The following TRDN variants were observed in gnomAD, a reference collection of about 807,000 sequenced individuals.
TRDN encodes triadin, also known as triadin in skeletal muscle.
In TRDN, 161 loss-of-function variants were observed where a neutral mutation model predicts 149.7. The ratio of observed to expected loss-of-function variants is 1.08; its 90% CI spans 0.95 to 1.23. TRDN has a LOEUF of 1.23. Ranked by LOEUF, TRDN falls within the 50% of genes most tolerant of loss-of-function variation. The pLI, the probability that TRDN is intolerant of heterozygous loss-of-function variation, is 0.00. For missense variants in TRDN, 896 were observed against 823.5 expected, an observed-to-expected ratio of 1.09 and a Z score of -1.08; for synonymous variants, 294 against 250.5, an observed-to-expected ratio of 1.17 and a Z score of -1.64.
At chr6:123,591,086 A>G (rs1164982151) in intron 1 of TRDN, among the ~76,000 whole-genome samples, 1 of 152,222 alleles carries the variant, frequency 6.6e-6, no homozygotes, top group African/African-American at 2.4e-5. Context: ...TAGTGACTCC[A>G]GAATTAATGC....
chr6:123,225,171 A>G (rs1582740650), intron 38 of TRDN, among the ~76,000 whole-genome samples: 1 of 151,912 alleles, frequency 6.6e-6, no homozygotes, highest in Non-Finnish European at 1.5e-5. Context: ...ATGAAATAAA[A>G]CCACAATGAG....
chr6:123,297,289 T>C (rs1223522922), intron 24 of TRDN, among the ~76,000 whole-genome samples: 1 of 152,088 alleles, frequency 6.6e-6, no homozygotes, highest in East Asian at 1.9e-4. Context: ...TTGCCTCAAA[T>C]GAGTAGTGAG....
At chr6:123,445,064 T>G (rs1442101140) in intron 10 of TRDN, 1 of 151,944 alleles carries the variant, frequency 6.6e-6, no homozygotes, top group Non-Finnish European at 1.5e-5. Flanking sequence ...TCCCTCTTTT[T>G]CTATTGATTG....
intron 23 of TRDN, among the ~76,000 whole-genome samples, chr6:123,328,486 T>A (rs1278133451): frequency 2.0e-5 from 3 of 152,212 alleles, no homozygotes; most frequent in African/African-American, 7.2e-5. Flanking sequence ...TTGCCGTTTT[T>A]GTTTCTTTTT....
intron 2 of TRDN, among the ~76,000 whole-genome samples, chr6:123,560,124 C>T (rs6903750): frequency 0.051 from 7,695 of 152,236 alleles, 352 homozygotes; most frequent in African/African-American, 0.13. Flanking sequence ...CTGCGTGCGG[C>T]GGCTGCCGCT....
At chr6:123,442,638 A>G (rs2114611695) in intron 10 of TRDN, among the ~76,000 whole-genome samples, 1 of 152,200 alleles carries the variant, frequency 6.6e-6, no homozygotes, top group East Asian at 1.9e-4. Context: ...AACAGAGTAG[A>G]TGTAGAAAAA....
intron 4 of TRDN, among the ~76,000 whole-genome samples, chr6:123,546,946 T>C (rs1213690392): frequency 1.3e-5 from 2 of 151,820 alleles, no homozygotes; most frequent in Non-Finnish European, 2.9e-5. Flanking sequence ...AAAATAATGA[T>C]GGCAAAAAAA....
chr6:123,570,918 C>G lies in TRDN; in HGVS notation c.232+5G>C, dbSNP rs374653100. 4 of 1,612,614 alleles carry G rather than the reference C, an allele frequency of 2.5e-6. No homozygotes were observed. Among genetic ancestry groups the G allele is most frequent in the African/African-American group, 1.3e-5 (1 of 74,878 alleles). ...AATTTTAAAGCCAAATTTTATGGAA[C>G]TTACCTGAAAAGTTTTTGTAATCCA... On this transcript the variant is annotated splice_donor_5th_base_variant and intron_variant, in intron 2 of 40. Transcript: ENST00000334268.
chr6:123,562,310 C>G (rs1439767578), intron 2 of TRDN, among the ~76,000 whole-genome samples: 2 of 152,222 alleles, frequency 1.3e-5, no homozygotes, highest in Admixed American at 1.3e-4. Flanking sequence ...GTTGCTCACA[C>G]AAAGCATGTT....
intron 23 of TRDN, among the ~76,000 whole-genome samples, chr6:123,331,113 G>C (rs1779644629): frequency 6.6e-6 from 1 of 152,010 alleles, no homozygotes. Context: ...TTGACACCAG[G>C]AAATATTAGA....
intron 19 of TRDN, among the ~76,000 whole-genome samples, chr6:123,370,810 C>T (rs946587093): frequency 6.6e-6 from 1 of 150,622 alleles, no homozygotes; most frequent in Non-Finnish European, 1.5e-5. Flanking sequence ...GGTTGAACAT[C>T]TTTTGATACG....
At chr6:123,252,786 G>A (rs1776419249) in intron 37 of TRDN, among the ~76,000 whole-genome samples, 1 of 151,892 alleles carries the variant, frequency 6.6e-6, no homozygotes, top group African/African-American at 2.4e-5. Flanking sequence ...ATGCCTGGCT[G>A]ATTCTTTGAA....
chr6:123,278,773 A>C (rs2114626976), intron 25 of TRDN, among the ~76,000 whole-genome samples: 1 of 152,328 alleles, frequency 6.6e-6, no homozygotes, highest in Non-Finnish European at 1.5e-5. Flanking sequence ...TGTCTCAAAA[A>C]AATTTTTTTT....
At chr6:123,312,441 T>C (rs545549747) in intron 24 of TRDN, among the ~76,000 whole-genome samples, 1 of 152,068 alleles carries the variant, frequency 6.6e-6, no homozygotes, top group African/African-American at 2.4e-5. Context: ...TATCTTATGA[T>C]ATTTTAAATA....
intron 12 of TRDN, among the ~76,000 whole-genome samples, chr6:123,425,754 C>G (rs529372513): frequency 6.6e-6 from 1 of 151,796 alleles, no homozygotes; most frequent in East Asian, 1.9e-4. Context: ...GATGAGAGAC[C>G]GGAAGGAGAA....
intron 10 of TRDN, among the ~76,000 whole-genome samples, chr6:123,443,277 GA>G (rs60757232): frequency 0.026 from 3,700 of 141,210 alleles, 161 homozygotes; most frequent in African/African-American, 0.089. Flanking sequence ...TAAAGATTAG[GA>G]AAAAAAAAAA....
At chr6:123,590,686 C>G (rs979305873) in intron 1 of TRDN, among the ~76,000 whole-genome samples, 1 of 152,128 alleles carries the variant, frequency 6.6e-6, no homozygotes, top group East Asian at 1.9e-4. Context: ...TGCTTGAACT[C>G]TGGAAGCAGA....
chr6:123,403,377 T>C (rs1218950183), intron 12 of TRDN, among the ~76,000 whole-genome samples: 1 of 152,128 alleles, frequency 6.6e-6, no homozygotes, highest in Non-Finnish European at 1.5e-5. Flanking sequence ...GTGGAATCCA[T>C]TCCTGTGACA....
At chr6:123,416,083 T>C (rs1335099083) in intron 12 of TRDN, among the ~76,000 whole-genome samples, 2 of 152,130 alleles carry the variant, frequency 1.3e-5, no homozygotes, top group African/African-American at 2.4e-5. Context: ...GAATTTCATA[T>C]GCAAAATTCA....
Sources: gnomAD v4.1 joint callset for allele counts (sites outside exome capture counted in the v4.1 genomes callset) on GRCh38, gnomAD v4.1.1 for gene constraint, MANE v1.5 for transcripts, NCBI Gene and HGNC (gene_info 2026-07-23, HGNC 2026-07-21) for gene names.